The following PZP variants were observed in gnomAD, a reference collection of about 807,000 sequenced individuals.
PZP encodes the protein PZP alpha-2-macroglobulin like.
PZP carries 150 observed loss-of-function variants against 179.8 expected under a neutral mutation model. That is an observed-to-expected ratio of 0.83 (90% CI 0.73 to 0.96). The LOEUF is 0.96. Ranked by LOEUF, PZP falls within the 40% of genes least tolerant of loss-of-function variation. The pLI is 0.00. For synonymous variants in PZP, 624 were observed against 652.3 expected, an observed-to-expected ratio of 0.96 and a Z score of 0.66; for missense variants, 1,689 against 1,764.0, an observed-to-expected ratio of 0.96 and a Z score of 0.76.
At chr12:9,164,614 A>G (rs1344768966) in intron 19 of PZP, among the ~76,000 whole-genome samples, 1 of 152,186 alleles carries the variant, frequency 6.6e-6, no homozygotes, top group South Asian at 2.1e-4. Flanking sequence ...TTCTTACAAC[A>G]TATATTACAT....
Position 9,164,227 on chromosome 12 carries a change from G to C in PZP, c.2520C>G (p.Phe840Leu), listed in dbSNP as rs1205436074. 6.2e-7 allele frequency: 1 copy of C among 1,612,878 alleles called. No homozygotes were observed. The highest frequency in any genetic ancestry group is 1.1e-5 in the South Asian group (1 of 91,058). ...CTCCCTTTGTATTTTGGGAAGCTAG[G>C]AAGGCTGGAGAGGCTTTCAGCTGCA... ...VSVQLKASPA[F>L]LASQNTKGEE... The change falls in exon 20 of 36, where the codon TTC becomes TTG. Residue 840 changes from phenylalanine (F) to leucine (L), a missense_variant. Phe to Leu is a conservative substitution (Grantham distance 22, BLOSUM62 0). Coordinates refer to ENST00000261336, the MANE Select transcript of PZP (RefSeq NM_002864.3).
intron 13 of PZP, among the ~76,000 whole-genome samples, chr12:9,187,267 A>T (rs1296917298): frequency 6.6e-6 from 1 of 152,132 alleles, no homozygotes; most frequent in African/African-American, 2.4e-5. Flanking sequence ...CACTCCACAG[A>T]CAGTATTAGA....
At chr12:9,194,007 C>A in intron 11 of PZP, 70 bp downstream of exon 11, 2 of 1,389,568 alleles carry the variant, frequency 1.4e-6, no homozygotes, top group Non-Finnish European at 2.0e-6. Context: ...GCAATCTGTA[C>A]ATTTCTTCTG....
At position 9,162,533 on chromosome 12, in the gene PZP, T is replaced by C. The variant is rs1941280172; in HGVS notation, c.2788+64A>G. On this transcript the variant is annotated intron_variant, in intron 22 of 35. Transcript: ENST00000261336. ...TGGGAGATAAAATGAATGTGCATTGTAACTTGAGGTTTATACCCCTTTGTG... is the reference window on the plus strand; with the variant it reads ...TGGGAGATAAAATGAATGTGCATTGCAACTTGAGGTTTATACCCCTTTGTG... 19 of 1,127,050 alleles carry C rather than the reference T, an allele frequency of 1.7e-5. 1 individual carries two copies. The highest frequency in any genetic ancestry group is 2.4e-5 in the Non-Finnish European group (18 of 760,680). 69.8% of individuals were successfully genotyped at this position (1,127,050 alleles called of 1,614,324 possible). A position where few individuals can be genotyped will look rare whatever the true frequency, so the allele number is the denominator to read the frequency against.
chr12:9,185,661 A>G (rs1030859547), intron 13 of PZP, among the ~76,000 whole-genome samples: 5 of 4,774 alleles, frequency 1.0e-3, no homozygotes, highest in Non-Finnish European at 2.3e-3. Context: ...AATGAATGAA[A>G]AAAAAAAAAT....
the PZP span, among the ~76,000 whole-genome samples, chr12:9,142,885 T>G: frequency 3.9e-5 from 6 of 152,222 alleles, no homozygotes; most frequent in Non-Finnish European, 2.9e-5. Context: ...TGGCAACTTT[T>G]CTGTTTTCCC....
intron 27 of PZP, among the ~76,000 whole-genome samples, 153 bp from the exon 28 acceptor site, chr12:9,157,508 G>C (rs1373525070): frequency 6.6e-6 from 1 of 152,130 alleles, no homozygotes; most frequent in Admixed American, 6.5e-5. Context: ...AAAATATTTC[G>C]ATCTCTTCCC....
intron 15 of PZP, among the ~76,000 whole-genome samples, chr12:9,173,536 G>T (rs769353360): frequency 6.6e-6 from 1 of 152,068 alleles, no homozygotes; most frequent in Non-Finnish European, 1.5e-5. Flanking sequence ...GAATCCAGGA[G>T]CTGGTTTTTT....
rs1194680719 is a variant in PZP at position 9,192,596 on chromosome 12, A to G, written c.1398T>C (p.Cys466=). 6 of 1,614,086 alleles carry G rather than the reference A, an allele frequency of 3.7e-6. No homozygotes were observed. Among genetic ancestry groups the G allele is most frequent in the South Asian group, 3.3e-5 (3 of 91,082 alleles). The change falls in exon 12 of 36, where the codon TGT becomes TGC. Residue 466 remains cysteine, a synonymous_variant. Coordinates refer to ENST00000261336, the MANE Select transcript of PZP (RefSeq NM_002864.3). ...HLEPVAGTLP[C]GHTETITAHY... is the part of the protein sequence containing the mutation. The stretch of plus-strand genomic sequence containing the variant: ...GTGCCGTGATAGTCTCCGTGTGGCC[A>G]CAGGGCAGGGTACCAGCCACAGGCT...
rs1316182987 is a variant in PZP at position 9,194,252 on chromosome 12, G to C, written c.1093-14C>G. 1 of 1,612,566 alleles carries C rather than the reference G, an allele frequency of 6.2e-7. No homozygotes were observed. The highest frequency in any genetic ancestry group is 1.7e-5 in the Admixed American group (1 of 59,876). ...CACCAGAAGCACCTAAAGAAGAAAA[G>C]TACTTGATAGTTGATGTGAACAACA... On this transcript the variant is annotated splice_polypyrimidine_tract_variant and intron_variant, in intron 10 of 35. Coordinates refer to ENST00000261336, the MANE Select transcript of PZP (RefSeq NM_002864.3).
rs1313614836 is a variant in PZP, at chr12:9,154,616, C to G, written c.3774G>C (p.Gln1258His). 6.2e-7 allele frequency: 1 copy of G among 1,613,768 alleles called. No homozygotes were observed. Among genetic ancestry groups the G allele is most frequent in the East Asian group, 2.2e-5 (1 of 44,894 alleles). The change falls in exon 29 of 36, where the codon CAG (glutamine) becomes CAC (histidine). Residue 1258 changes from glutamine to histidine, a missense_variant and splice_region_variant. Physicochemically the swap from Gln to His is conservative, Grantham distance 24. Around this residue, in one of 3 missense-constraint regions of PZP, gnomAD observed 746 missense variants for 749.2 expected, o/e 1.00. Transcript: ENST00000261336. ...QNAQGGFSST[Q>H]DTVVALHALS... Reference sequence around the variant, plus strand: ...AGAAGACTCTTTGGGAACCACTGACCTGGGTGGAGGAGAAACCACCTTGGG... The same window carrying G: ...AGAAGACTCTTTGGGAACCACTGACGTGGGTGGAGGAGAAACCACCTTGGG...
chr12:9,158,076 A>C (rs143079826), intron 26 of PZP, among the ~76,000 whole-genome samples: 85 of 152,284 alleles, frequency 5.6e-4, no homozygotes, highest in Admixed American at 9.8e-4. Flanking sequence ...TCAGCTTGTC[A>C]AGTAGCTGCA....
intron 14 of PZP, among the ~76,000 whole-genome samples, chr12:9,181,725 C>T (rs756255027): frequency 1.1e-4 from 17 of 152,256 alleles, no homozygotes; most frequent in African/African-American, 3.6e-4. Context: ...ATTTTACATA[C>T]TCACACAACT....
chr12:9,139,850 A>ATT, the PZP span, among the ~76,000 whole-genome samples: 148 of 152,106 alleles, frequency 9.7e-4, no homozygotes, highest in Admixed American at 1.6e-3. Context: ...ATTCTGACCA[A>ATT]TTTTTGGTCA....
At position 9,196,441 on chromosome 12, in the gene PZP, T is replaced by C; in HGVS notation, c.983-2A>G. 6.2e-7 allele frequency: 1 copy of C among 1,605,624 alleles called. No individual in the cohort carries two copies. On this transcript the variant is annotated splice_acceptor_variant, in intron 9 of 35. Coordinates refer to ENST00000261336, the MANE Select transcript of PZP (RefSeq NM_002864.3). LOFTEE classifies it high-confidence loss of function. ...TCCTGTTTGCAGTGACTTCCAGGTC[T>C]GAAAAATATAAAGAGTCAGTACTTT...
chr12:9,181,415 C>A (rs1045396343), intron 14 of PZP, among the ~76,000 whole-genome samples: 1 of 152,338 alleles, frequency 6.6e-6, no homozygotes, highest in African/African-American at 2.4e-5. Context: ...AATTTTATAA[C>A]AAGCTTACCT....
intron 20 of PZP, 31 bp downstream of exon 20, chr12:9,164,102 T>C: frequency 2.5e-6 from 4 of 1,591,614 alleles, no homozygotes; most frequent in African/African-American, 1.3e-5. Flanking sequence ...TCCTTGTTGA[T>C]TGATAGGCCC....
chr12:9,157,645 G>T (rs1471276602), intron 27 of PZP, 122 bp downstream of exon 27: 3 of 883,098 alleles, frequency 3.4e-6, no homozygotes, highest in Non-Finnish European at 5.3e-6. Context: ...GAGCTTATCA[G>T]TCTGAGAAAT....
intron 22 of PZP, 68 bp from the exon 23 acceptor site, chr12:9,161,184 T>C (rs769649396): frequency 3.0e-6 from 4 of 1,324,652 alleles, no homozygotes; most frequent in Non-Finnish European, 4.2e-6. Flanking sequence ...GTGATTATAA[T>C]GTAGTGAGAG....
Sources: gnomAD v4.1 joint callset for allele counts (sites outside exome capture counted in the v4.1 genomes callset) on GRCh38, gnomAD v4.1.1 for gene constraint, gnomAD v4.1.1 regional missense constraint, MANE v1.5 for transcripts, NCBI Gene and HGNC (gene_info 2026-07-23, HGNC 2026-07-21) for gene names.